NSD2: variants seen among roughly 807,000 people sequenced by gnomAD.
NSD2 encodes nuclear receptor binding SET domain protein 2.
Under a neutral mutation model 139.0 loss-of-function variants are expected in NSD2, and 12 were observed. The observed-to-expected ratio is 0.09, with a 90% CI of 0.06 to 0.14. The LOEUF is 0.14. NSD2 is among the 10% of genes least tolerant of loss of function. The pLI, the probability that NSD2 is intolerant of heterozygous loss-of-function variation, is 1.00. For missense variants in NSD2, 1,155 were observed against 1,745.0 expected, an observed-to-expected ratio of 0.66 and a Z score of 6.02; for synonymous variants, 669 against 648.7, an observed-to-expected ratio of 1.03 and a Z score of -0.48.
Position 1,948,046 on chromosome 4 carries a change from A to G in NSD2, c.1882-3026A>G. On this transcript the variant is annotated intron_variant, in intron 9 of 21. Transcript: ENST00000508803. This position sits in a 1 kb window ranked among gnomAD's most constrained non-coding sequence, Gnocchi z 4.5. ...TCTTGAAAAGTCCCTGTAATAGATC[A>G]AGGAGACTGCATTCCCTGCCCTGAA... 9.5e-7 allele frequency: 1 copy of G among 1,057,026 alleles called. No individual in the cohort carries two copies. Among genetic ancestry groups the G allele is most frequent in the East Asian group, 5.3e-5 (1 of 19,020 alleles). The allele number at this position is 1,057,026 out of a possible 1,614,324, so 65.5% of individuals were successfully genotyped here.
chr4:1,935,912 T>C (rs1480970995), intron 7 of NSD2, among the ~76,000 whole-genome samples: 1 of 152,124 alleles, frequency 6.6e-6, no homozygotes, highest in Non-Finnish European at 1.5e-5. Flanking sequence ...TCTATAGGGC[T>C]TATTATTCAG....
At chr4:1,970,922 A>G (rs1726403295) in intron 18 of NSD2, among the ~76,000 whole-genome samples, 1 of 152,248 alleles carries the variant, frequency 6.6e-6, no homozygotes, top group African/African-American at 2.4e-5. Flanking sequence ...CAAGCAAGAC[A>G]TGAATGTGTT....
intron 1 of NSD2, chr4:1,892,754 G>A (rs919877342): frequency 6.6e-6 from 1 of 151,796 alleles, no homozygotes; most frequent in Non-Finnish European, 1.5e-5. Flanking sequence ...ATCTTTAGTA[G>A]GGACGGGTTT....
At chr4:1,933,263 G>T (rs1577478181) in intron 6 of NSD2, among the ~76,000 whole-genome samples, 1 of 152,212 alleles carries the variant, frequency 6.6e-6, no homozygotes, top group South Asian at 2.1e-4. Context: ...ACACTTACTT[G>T]TACCTCTGCC....
At chr4:1,871,922 C>T (rs1385825874) in intron 1 of NSD2, among the ~76,000 whole-genome samples, 1 of 147,724 alleles carries the variant, frequency 6.8e-6, no homozygotes, top group East Asian at 2.0e-4. Context: ...CCTGCGGCTG[C>T]ACCTGTGCCC....
At chr4:1,915,868 G>C (rs1418654564) in intron 3 of NSD2, among the ~76,000 whole-genome samples, 1 of 152,158 alleles carries the variant, frequency 6.6e-6, no homozygotes, top group Non-Finnish European at 1.5e-5. Flanking sequence ...CCCCCACCCT[G>C]TGCCAGGGAG....
intron 9 of NSD2, chr4:1,946,539 GATTAC>G (rs1215543239): frequency 3.9e-6 from 4 of 1,012,738 alleles, no homozygotes; most frequent in African/African-American, 1.7e-5. Flanking sequence ...AAAATGCTGG[GATTAC>G]AGGCGTAAGC....
intron 9 of NSD2, chr4:1,943,033 C>T (rs965883982): frequency 9.5e-7 from 1 of 1,050,434 alleles, no homozygotes; most frequent in Non-Finnish European, 1.1e-6. Flanking sequence ...GATCCAAGGC[C>T]CCGGACCAAG....
intron 1 of NSD2, among the ~76,000 whole-genome samples, chr4:1,886,483 G>A (rs78373478): frequency 0.032 from 4,835 of 152,150 alleles, 251 homozygotes; most frequent in African/African-American, 0.11. Flanking sequence ...CTGGGATTAC[G>A]GACTTGAGCC....
intron 18 of NSD2, among the ~76,000 whole-genome samples, chr4:1,961,654 A>G (rs1006785317): frequency 5.9e-5 from 9 of 152,214 alleles, no homozygotes; most frequent in Admixed American, 5.2e-4. Flanking sequence ...AAAGGAGGAT[A>G]GGAAGATTTG....
chr4:1,911,310 A>G (rs1000891130), intron 3 of NSD2, among the ~76,000 whole-genome samples: 2 of 152,160 alleles, frequency 1.3e-5, no homozygotes, highest in Non-Finnish European at 2.9e-5. Flanking sequence ...GAAGAGGGCC[A>G]GGTGCAGTGG....
At chr4:1,970,015 A>G (rs918315438) in intron 18 of NSD2, among the ~76,000 whole-genome samples, 19 of 152,302 alleles carry the variant, frequency 1.2e-4, no homozygotes, top group African/African-American at 4.3e-4. Context: ...AGCAGAGTGC[A>G]GCTGAAAGAA....
chr4:1,919,514 A>G (rs935583573), intron 5 of NSD2, among the ~76,000 whole-genome samples: 2 of 152,180 alleles, frequency 1.3e-5, no homozygotes, highest in African/African-American at 4.8e-5. Flanking sequence ...ACTTTTGGTT[A>G]TGTTACTTGG....
At position 1,962,807 on chromosome 4, in the gene NSD2, A is replaced by C. The variant is rs111467018; in HGVS notation, c.3372+1656A>C. ...CACCTTGGCCTCCTGAGTATCTGGG[A>C]CTACAGGAACATGCCACCACACCTG... is the stretch of plus-strand genomic sequence containing the variant. On this transcript the variant is annotated intron_variant, in intron 18 of 21. Coordinates refer to ENST00000508803, the MANE Select transcript of NSD2 (RefSeq NM_001042424.3). 5.9e-3 allele frequency among the ~76,000 whole-genome samples: 900 copies of C among 152,276 alleles called. 11 individuals carry two copies. The highest frequency in any genetic ancestry group is 0.021 in the African/African-American group (852 of 41,542).
At chr4:1,941,315 G>A in intron 9 of NSD2, 2 of 1,055,202 alleles carry the variant, frequency 1.9e-6, no homozygotes, top group East Asian at 5.3e-5. Context: ...CACTTGAGTT[G>A]TTGCTTATAC....
chr4:1,948,482 C>T lies in NSD2; in HGVS notation c.1882-2590C>T, dbSNP rs374516967. 56 of 1,064,596 alleles carry T rather than the reference C, an allele frequency of 5.3e-5. No homozygotes were observed. The highest frequency in any genetic ancestry group is 2.5e-4 in the African/African-American group (15 of 60,860). The allele number at this position is 1,064,596 out of a possible 1,614,324, so 65.9% of individuals were successfully genotyped here. Reference sequence around the variant, plus strand: ...ACGCCCTCGTACTTTGCTCTCCTTGCGGGTGGTTGCCGAGCCGAGAGCATT... The same window carrying T: ...ACGCCCTCGTACTTTGCTCTCCTTGTGGGTGGTTGCCGAGCCGAGAGCATT... On this transcript the variant is annotated intron_variant, in intron 9 of 21. Transcript: ENST00000508803. The surrounding 1 kb of genome is among the most constrained non-coding windows in gnomAD (Gnocchi z 4.5).
intron 5 of NSD2, among the ~76,000 whole-genome samples, chr4:1,926,930 C>A (rs965820103): frequency 1.3e-5 from 2 of 152,164 alleles, no homozygotes; most frequent in Non-Finnish European, 2.9e-5. Context: ...TGGCTGAAAA[C>A]AACAACATGC....
chr4:1,900,437 C>T (rs1716998476), intron 1 of NSD2, among the ~76,000 whole-genome samples, 189 bp from the exon 2 acceptor site: 1 of 152,026 alleles, frequency 6.6e-6, no homozygotes, highest in African/African-American at 2.4e-5. Flanking sequence ...TCAGCTTTAT[C>T]ATTTTGTGAT....
chr4:1,968,667 T>G (rs1726130042), intron 18 of NSD2, among the ~76,000 whole-genome samples: 1 of 152,120 alleles, frequency 6.6e-6, no homozygotes, highest in Non-Finnish European at 1.5e-5. Flanking sequence ...AATCACAATA[T>G]ATGTAAGTGG....
Sources: allele counts gnomAD v4.1 joint callset (sites outside exome capture counted in the v4.1 genomes callset), GRCh38; gene constraint gnomAD v4.1.1; non-coding constraint Gnocchi (gnomAD v3.1); transcripts MANE v1.5; gene names NCBI Gene and HGNC (gene_info 2026-07-23, HGNC 2026-07-21).